The following FGF1 variants were observed in gnomAD, a reference collection of about 807,000 sequenced individuals.
The protein encoded by FGF1 is fibroblast growth factor 1, also known as beta-endothelial cell growth factor.
Under a neutral mutation model 13.4 loss-of-function variants are expected in FGF1, and 9 were observed. The observed-to-expected ratio is 0.67, with a 90% CI of 0.40 to 1.17. FGF1 has a LOEUF of 1.17. Among genes scored for constraint, FGF1 ranks in the 50% most tolerant of loss-of-function variants. FGF1 has a pLI of 0.01. For missense variants in FGF1, 156 were observed against 192.7 expected (o/e 0.81, Z 1.13); for synonymous variants, 93 against 79.0 (o/e 1.18, Z -0.94).
At chr5:142,677,321 T>C (rs1037051036) in intron 1 of FGF1, among the ~76,000 whole-genome samples, 2 of 152,200 alleles carry the variant, frequency 1.3e-5, no homozygotes, top group Non-Finnish European at 2.9e-5. Flanking sequence ...TCTGTCTCCA[T>C]GGGTGCAAGG....
At position 142,615,372 on chromosome 5, in the gene FGF1, C is replaced by T. The variant is rs142932426; in HGVS notation, c.-34-1211G>A. 1.8e-3 allele frequency among the ~76,000 whole-genome samples: 275 copies of T among 152,234 alleles called. 1 individual carries two copies. The highest frequency in any genetic ancestry group is 6.2e-3 in the African/African-American group (259 of 41,544). On this transcript the variant is annotated intron_variant, in intron 1 of 3. Coordinates refer to ENST00000337706, the MANE Select transcript of FGF1 (RefSeq NM_000800.5). ...CCAAGTAGCTGAGATTACAGGAATG[C>T]GCCACCACACCAGGCTAATTTTTAT...
Position 142,608,319 on chromosome 5 carries a change from C to T in FGF1, c.169+5640G>A, listed in dbSNP as rs17287329. Among the ~76,000 whole-genome samples, 1,176 of 152,022 alleles carry T rather than the reference C, an allele frequency of 7.7e-3. 3 individuals carry two copies. Among genetic ancestry groups the T allele is most frequent in the Middle Eastern group, 0.02 (6 of 294 alleles). ...GGTTTATTCTGGGTTGGAGACTTCC[C>T]GTCCTTTGCCGTGTTTACCCAAAGT... On this transcript the variant is annotated intron_variant, in intron 2 of 3. Coordinates refer to ENST00000337706, the MANE Select transcript of FGF1 (RefSeq NM_000800.5).
intron 1 of FGF1, among the ~76,000 whole-genome samples, chr5:142,657,674 G>GCTGCGT (rs1768417797): frequency 2.0e-5 from 3 of 152,250 alleles, no homozygotes; most frequent in African/African-American, 7.2e-5. Flanking sequence ...GCTGGCTGCG[G>GCTGCGT]CTGCGGCCGA....
At chr5:142,620,135 C>T (rs1302544003) in intron 1 of FGF1, among the ~76,000 whole-genome samples, 13 of 151,610 alleles carry the variant, frequency 8.6e-5, no homozygotes, top group Non-Finnish European at 1.5e-4. Flanking sequence ...ATTGAAAACT[C>T]GGCTGGGCGC....
At chr5:142,691,484 T>TAAAATAAAA in intron 2 of FGF1, among the ~76,000 whole-genome samples, 1 of 147,382 alleles carries the variant, frequency 6.8e-6, no homozygotes, top group African/African-American at 2.6e-5. Flanking sequence ...ATAAAATAAA[T>TAAAATAAAA]AAAATATTTA....
intron 1 of FGF1, among the ~76,000 whole-genome samples, chr5:142,615,770 C>T (rs534146682): frequency 5.9e-5 from 9 of 152,280 alleles, no homozygotes; most frequent in East Asian, 1.9e-4. Context: ...GGAGCTGAAT[C>T]GCAAAAGGAG....
chr5:142,607,307 C>T (rs767621723), intron 2 of FGF1, among the ~76,000 whole-genome samples: 1 of 152,266 alleles, frequency 6.6e-6, no homozygotes, highest in African/African-American at 2.4e-5. Flanking sequence ...ACCAGGTTAG[C>T]GCACAGAGCA....
chr5:142,678,409 C>T (rs756279182), intron 1 of FGF1, among the ~76,000 whole-genome samples: 7 of 152,278 alleles, frequency 4.6e-5, no homozygotes, highest in African/African-American at 7.2e-5. Flanking sequence ...GTGTTTGCCT[C>T]GGAATGGAGT....
At chr5:142,605,004 C>G (rs1312234134) in intron 2 of FGF1, among the ~76,000 whole-genome samples, 1 of 152,184 alleles carries the variant, frequency 6.6e-6, no homozygotes, top group African/African-American at 2.4e-5. Flanking sequence ...TTCAACCTAT[C>G]GCCCATATAT....
rs1457425656 is a variant in FGF1 at position 142,592,770 on chromosome 5, T to C, written c.*2520A>G. The C allele has an allele frequency of 3.6e-5, 9 of 251,280 alleles. No individual in the cohort carries two copies. The highest frequency in any genetic ancestry group is 1.1e-4 in the Admixed American group (2 of 18,156). The allele number at this position is 251,280 out of a possible 1,614,324, so 15.6% of individuals were successfully genotyped here. On this transcript the variant is annotated 3_prime_UTR_variant, in exon 4 of 4. Transcript: ENST00000337706. ...AAAATGCTAAGTTTACCTTGCCATG[T>C]CCTCTGACATTTTGATAGGGGTTTA...
At chr5:142,672,684 T>C (rs547898015) in intron 1 of FGF1, among the ~76,000 whole-genome samples, 23 of 152,210 alleles carry the variant, frequency 1.5e-4, no homozygotes, top group Non-Finnish European at 2.5e-4. Flanking sequence ...TTTGTATTTT[T>C]AGTAGAGATG....
chr5:142,684,561 A>G (rs937865473), intron 1 of FGF1, among the ~76,000 whole-genome samples: 1 of 152,214 alleles, frequency 6.6e-6, no homozygotes, highest in African/African-American at 2.4e-5. Context: ...TTGCCTTCAG[A>G]TCAACATCTC....
chr5:142,678,943 G>A (rs982067674), intron 1 of FGF1, among the ~76,000 whole-genome samples: 4 of 152,128 alleles, frequency 2.6e-5, no homozygotes, highest in African/African-American at 7.2e-5. Flanking sequence ...GGAGTGGCCT[G>A]GAACTTCACT....
At chr5:142,636,905 A>C (rs79081512) in intron 1 of FGF1, among the ~76,000 whole-genome samples, 1,784 of 152,084 alleles carry the variant, frequency 0.012, 56 homozygotes, top group African/African-American at 0.041. Context: ...GAACTGTGGG[A>C]AACTATGGAA....
chr5:142,625,919 A>G (rs1350644742), intron 1 of FGF1, among the ~76,000 whole-genome samples: 1 of 152,194 alleles, frequency 6.6e-6, no homozygotes, highest in Non-Finnish European at 1.5e-5. Flanking sequence ...CTTGACCTAG[A>G]AAATTTAGCT....
At chr5:142,612,032 AG>A (rs1759170007) in intron 2 of FGF1, among the ~76,000 whole-genome samples, 2 of 152,356 alleles carry the variant, frequency 1.3e-5, no homozygotes, top group South Asian at 4.1e-4. Flanking sequence ...AAGGAATATT[AG>A]TATTCTTTTT....
intron 1 of FGF1, among the ~76,000 whole-genome samples, chr5:142,642,424 A>C (rs1765348209): frequency 2.0e-5 from 3 of 152,238 alleles, no homozygotes; most frequent in Admixed American, 1.3e-4. Context: ...GAAAACTCAC[A>C]TGCCAGCAAC....
chr5:142,634,874 CT>C lies in FGF1; in HGVS notation c.-34-20714del, dbSNP rs56711125. On this transcript the variant is annotated intron_variant, in intron 1 of 3. Transcript: ENST00000337706. The stretch of plus-strand genomic sequence containing the variant: ...TTGCTTTGGTTATTGCTTTTTTTTT[CT>C]TTTTTTTTTTTCCACGACTCCTTGT... Among the ~76,000 whole-genome samples, 353 of 143,168 alleles carry C rather than the reference CT, an allele frequency of 2.5e-3. 1 individual carries two copies. Among genetic ancestry groups the C allele is most frequent in the Middle Eastern group, 7.1e-3 (2 of 282 alleles). The allele number at this position is 143,168 out of a possible 152,430, so 93.9% of individuals were successfully genotyped here.
intron 1 of FGF1, among the ~76,000 whole-genome samples, chr5:142,638,305 C>T (rs1421753090): frequency 1.3e-5 from 2 of 152,088 alleles, no homozygotes; most frequent in East Asian, 3.9e-4. Context: ...CCTCTCTTTG[C>T]CAACAATGCC....
Sources: gnomAD v4.1 joint callset for allele counts (sites outside exome capture counted in the v4.1 genomes callset) on GRCh38, gnomAD v4.1.1 for gene constraint, MANE v1.5 for transcripts, NCBI Gene and HGNC (gene_info 2026-07-23, HGNC 2026-07-21) for gene names.